KLF11: variants seen among roughly 807,000 people sequenced by gnomAD.
The protein encoded by KLF11 is Krueppel-like factor 11.
KLF11 carries 26 observed loss-of-function variants against 29.9 expected under a neutral mutation model. The ratio of observed to expected loss-of-function variants is 0.87; its 90% CI spans 0.64 to 1.21. The LOEUF is 1.21. KLF11 is among the 50% of genes most tolerant of loss of function. The pLI, the probability that KLF11 is intolerant of heterozygous loss-of-function variation, is 0.00. For synonymous variants in KLF11, 318 were observed against 257.4 expected (o/e 1.24, Z -2.25); for missense variants, 778 against 665.7 (o/e 1.17, Z -1.86).
At chr2:10,048,677 G>A in intron 3 of KLF11, 82 bp downstream of exon 3, 4 of 1,089,612 alleles carry the variant, frequency 3.7e-6, no homozygotes, top group Admixed American at 3.5e-5. Context: ...TTGGCTGGGA[G>A]GGGATCATGA....
intron 1 of KLF11, among the ~76,000 whole-genome samples, chr2:10,044,972 C>G (rs1056114238): frequency 2.6e-5 from 4 of 152,048 alleles, no homozygotes; most frequent in African/African-American, 9.7e-5. Context: ...ATGGGGAAAA[C>G]CGCTCTCTAC....
rs1345737117 is a variant in KLF11, at chr2:10,053,481, CT to C, written c.*975del. ...AACTTCTCAGAAAAAAAGGAAATGT[CT>C]GTATTGGTTGGATGAAACTCCACCA... On this transcript the variant is annotated 3_prime_UTR_variant, in exon 4 of 4. Transcript: ENST00000305883. 2.5e-6 allele frequency: 1 copy of C among 398,508 alleles called. No homozygotes were observed. Among genetic ancestry groups the C allele is most frequent in the Non-Finnish European group, 4.4e-6 (1 of 226,066 alleles). The allele number at this position is 398,508 out of a possible 1,614,324, so 24.7% of individuals were successfully genotyped here. A position where few individuals can be genotyped will look rare whatever the true frequency, so the allele number is the denominator to read the frequency against.
At position 10,043,683 on chromosome 2, in the gene KLF11, G is replaced by T; in HGVS notation, c.-34G>T. The T allele has an allele frequency of 1.5e-6, 2 of 1,293,236 alleles. No individual in the cohort carries two copies. The highest frequency in any genetic ancestry group is 2.7e-5 in the South Asian group (2 of 73,076). The allele number at this position is 1,293,236 out of a possible 1,614,324, so 80.1% of individuals were successfully genotyped here. On this transcript the variant is annotated 5_prime_UTR_variant, in exon 1 of 4. Transcript: ENST00000305883. ...GCTGCTGCGCCCGAGCTCACGCCCC[G>T]CGGCCGCTTTGTTGCTCCCGGCCGG... is the stretch of plus-strand genomic sequence containing the variant.
rs1401642646 is a variant in KLF11, at chr2:10,048,000, C to G, written c.663C>G (p.Asp221Glu). 3 of 1,614,140 alleles carry G rather than the reference C, an allele frequency of 1.9e-6. No individual in the cohort carries two copies. Among genetic ancestry groups the G allele is most frequent in the East Asian group, 2.2e-5 (1 of 44,890 alleles). ...FETLQDTHLT[D>E]SLLSTNLVSC... is the part of the protein sequence containing the mutation. ...CTTTGCAGGACACACACCTCACGGA[C>G]AGTTTACTCAGCACTAACTTGGTGT... The change falls in exon 3 of 4, where the codon GAC becomes GAG. Residue 221 changes from aspartate (D) to glutamate (E), a missense_variant. By Grantham distance (45) the Asp-to-Glu change is conservative (BLOSUM62 2). Transcript: ENST00000305883.
rs1189789359 is a variant in KLF11 at position 10,050,238 on chromosome 2, T to C, written c.1258+1643T>C. The stretch of plus-strand genomic sequence containing the variant: ...CCTGGCCAACATGGTGAAACCCCGT[T>C]TCTACTAAAAATACAAAAATTAGCT... On this transcript the variant is annotated intron_variant, in intron 3 of 3. Coordinates refer to ENST00000305883, the MANE Select transcript of KLF11 (RefSeq NM_003597.5). 1.6e-3 allele frequency among the ~76,000 whole-genome samples: 217 copies of C among 134,626 alleles called. No individual in the cohort carries two copies. The Middle Eastern group carries it at 0.032, about 20-fold the overall frequency. 88.3% of individuals were successfully genotyped at this position (134,626 alleles called of 152,430 possible).
Position 10,048,428 on chromosome 2 carries a change from C to T in KLF11, c.1091C>T (p.Thr364Ile). 2 of 1,614,172 alleles carry T rather than the reference C, an allele frequency of 1.2e-6. No individual in the cohort carries two copies. Among genetic ancestry groups the T allele is most frequent in the Non-Finnish European group, 1.7e-6 (2 of 1,180,042 alleles). Residue 364 changes from threonine (T) to isoleucine (I), a missense_variant, in exon 3 of 4, where the codon ACC becomes ATC. Thr to Ile is a moderately conservative substitution (Grantham distance 89, BLOSUM62 -1). Coordinates refer to ENST00000305883, the MANE Select transcript of KLF11 (RefSeq NM_003597.5). ...CAANVMAAGNTKLLPLAPAPV... is the reference protein window; with the variant it reads ...CAANVMAAGNIKLLPLAPAPV... Reference sequence around the variant, plus strand: ...GCCAATGTCATGGCTGCCGGGAATACCAAGTTGTTGCCCCTTGCCCCTGCT... The same window carrying T: ...GCCAATGTCATGGCTGCCGGGAATATCAAGTTGTTGCCCCTTGCCCCTGCT...
At chr2:10,043,956 G>A (rs924135260) in intron 1 of KLF11, 198 bp downstream of exon 1, 1 of 935,186 alleles carries the variant, frequency 1.1e-6, no homozygotes, top group Non-Finnish European at 1.3e-6. Flanking sequence ...GGGTCGGCGG[G>A]GGCGAGGAGG....
intron 2 of KLF11, 101 bp from the exon 3 acceptor site, chr2:10,047,545 CTGAG>C (rs1388292518): frequency 2.0e-6 from 2 of 996,070 alleles, no homozygotes; most frequent in African/African-American, 1.6e-5. Flanking sequence ...ACAGGGTTAA[CTGAG>C]TGTCTAGATG....
rs752934992 is a variant in KLF11 at position 10,048,584 on chromosome 2, G to C, written c.1247G>C (p.Arg416Pro). The change falls in exon 3 of 4, where the codon CGC becomes CCC. Residue 416 changes from arginine to proline, a missense_variant. Physicochemically the swap from Arg to Pro is moderately radical, Grantham distance 103. Coordinates refer to ENST00000305883, the MANE Select transcript of KLF11 (RefSeq NM_003597.5). ...AGTTCCCACCTTAAGGCCCATCTTC[G>C]CACTCACACAGGTAAGCGCTGGGGC... ...FKSSHLKAHL[R>P]THTGEKPFNC... 2.5e-6 allele frequency: 4 copies of C among 1,601,856 alleles called. No homozygotes were observed. Among genetic ancestry groups the C allele is most frequent in the Middle Eastern group, 1.6e-4 (1 of 6,074 alleles).
chr2:10,050,720 T>C (rs1661377076), intron 3 of KLF11, among the ~76,000 whole-genome samples: 2 of 151,844 alleles, frequency 1.3e-5, no homozygotes, highest in South Asian at 4.2e-4. Context: ...AAAATAAAAA[T>C]AAATAACTGT....
intron 1 of KLF11, among the ~76,000 whole-genome samples, chr2:10,045,176 A>G (rs1216245263): frequency 2.6e-5 from 4 of 151,242 alleles, no homozygotes; most frequent in Non-Finnish European, 5.9e-5. Context: ...CTGTAATCCC[A>G]GCACTTGGGG....
At position 10,054,130 on chromosome 2, in the gene KLF11, A is replaced by G. The variant is rs1461636677; in HGVS notation, c.*1623A>G. The G allele has an allele frequency of 6.6e-6, 1 of 152,196 alleles. No individual in the cohort carries two copies. The highest frequency in any genetic ancestry group is 2.4e-5 in the African/African-American group (1 of 41,450). 9.4% of individuals were successfully genotyped at this position (152,196 alleles called of 1,614,324 possible). A position where few individuals can be genotyped will look rare whatever the true frequency, so the allele number is the denominator to read the frequency against. On this transcript the variant is annotated 3_prime_UTR_variant, in exon 4 of 4. Coordinates refer to ENST00000305883, the MANE Select transcript of KLF11 (RefSeq NM_003597.5). ...ATGTGTGTGTTATTCAGAGGTTTTC[A>G]GTCTGGACACTCCATAGGTGAGTGT...
At position 10,043,892 on chromosome 2, in the gene KLF11, G is replaced by C; in HGVS notation, c.42+134G>C. ...GGCTTCGCTGCGGCCGCGCCGGTAG[G>C]GGCCTGGGCGGGCTCCGGAGCCGGG... On this transcript the variant is annotated intron_variant, in intron 1 of 3. Transcript: ENST00000305883. 3 of 1,047,190 alleles carry C rather than the reference G, an allele frequency of 2.9e-6. No individual in the cohort carries two copies. The highest frequency in any genetic ancestry group is 3.4e-6 in the Non-Finnish European group (3 of 870,124). The allele number at this position is 1,047,190 out of a possible 1,614,324, so 64.9% of individuals were successfully genotyped here.
At position 10,050,577 on chromosome 2, in the gene KLF11, C is replaced by T. The variant is rs1302733028; in HGVS notation, c.1259-1650C>T. On this transcript the variant is annotated intron_variant, in intron 3 of 3. Coordinates refer to ENST00000305883, the MANE Select transcript of KLF11 (RefSeq NM_003597.5). ...ATACAAAAATAGTTGGGCTTGGTGG[C>T]ACGCTCCTGTAGTCCCAGCTACTTG... Among the ~76,000 whole-genome samples the T allele has an allele frequency of 1.3e-5, 2 of 151,936 alleles. 1 individual carries two copies. Among genetic ancestry groups the T allele is most frequent in the Admixed American group, 1.3e-4 (2 of 15,242 alleles).
chr2:10,044,182 C>T (rs900325739), intron 1 of KLF11: 30 of 782,726 alleles, frequency 3.8e-5, no homozygotes, highest in Non-Finnish European at 4.3e-5. Flanking sequence ...GGCACGCGGC[C>T]GTCGGGCGGG....
rs928781564 is a variant in KLF11, at chr2:10,051,739, G to A, written c.1259-488G>A. 3.5e-5 allele frequency among the ~76,000 whole-genome samples: 5 copies of A among 143,456 alleles called. No individual in the cohort carries two copies. The South Asian group carries it at 6.7e-4, about 19-fold the overall frequency. The allele number at this position is 143,456 out of a possible 152,430, so 94.1% of individuals were successfully genotyped here. On this transcript the variant is annotated intron_variant, in intron 3 of 3. Transcript: ENST00000305883. Reference sequence around the variant, plus strand: ...TCACCGTGTTAGCCAGGATGGTCTCGGTCTTCTGACTTTGTGATCCGCCCG... The same window carrying A: ...TCACCGTGTTAGCCAGGATGGTCTCAGTCTTCTGACTTTGTGATCCGCCCG...
Position 10,052,549 on chromosome 2 carries a change from T to A in KLF11, c.*42T>A, listed in dbSNP as rs778008835. The A allele has an allele frequency of 6.2e-7, 1 of 1,601,468 alleles. No homozygotes were observed. Among genetic ancestry groups the A allele is most frequent in the Non-Finnish European group, 8.5e-7 (1 of 1,173,708 alleles). On this transcript the variant is annotated 3_prime_UTR_variant, in exon 4 of 4. Coordinates refer to ENST00000305883, the MANE Select transcript of KLF11 (RefSeq NM_003597.5). ...TCACTCATGGGATTTTTAAAAAGCC[T>A]CTTTCCAGGAATGGAACTGATGGAT...
rs540752451 is a variant in KLF11, at chr2:10,051,668, C to T, written c.1259-559C>T. On this transcript the variant is annotated intron_variant, in intron 3 of 3. Transcript: ENST00000305883. ...AAGTAGCTGGGACTACAGGTGCCCG[C>T]CACCACACCCGGCTAGTTTTTTGTA... is the stretch of plus-strand genomic sequence containing the variant. Among the ~76,000 whole-genome samples the T allele has an allele frequency of 3.9e-5, 6 of 152,138 alleles. No individual in the cohort carries two copies. The South Asian group carries it at 1.2e-3, about 32-fold the overall frequency.
chr2:10,043,972 T>G (rs1455828035), intron 1 of KLF11: 1 of 885,674 alleles, frequency 1.1e-6, no homozygotes, highest in Non-Finnish European at 1.4e-6. Flanking sequence ...GGAGGGGGCG[T>G]GTTCCCCGCG....
Sources: allele counts gnomAD v4.1 joint callset (sites outside exome capture counted in the v4.1 genomes callset), GRCh38; gene constraint gnomAD v4.1.1; transcripts MANE v1.5; gene names NCBI Gene and HGNC (gene_info 2026-07-23, HGNC 2026-07-21).